BCL2L10: variants seen among roughly 807,000 people sequenced by gnomAD.
BCL2L10 encodes bcl-2-like protein 10.
In BCL2L10, 14 loss-of-function variants were observed where a neutral mutation model predicts 11.1. That is an observed-to-expected ratio of 1.26 (90% CI 0.83 to 1.96). BCL2L10 has a LOEUF of 1.96. Ranked by LOEUF, BCL2L10 falls within the 30% of genes most tolerant of loss-of-function variation. BCL2L10 has a pLI of 0.00. For missense variants in BCL2L10, 309 were observed against 273.9 expected, an observed-to-expected ratio of 1.13 and a Z score of -0.90; for synonymous variants, 154 against 133.4, an observed-to-expected ratio of 1.15 and a Z score of -1.07.
At position 52,109,744 on chromosome 15, in the gene BCL2L10, G is replaced by C; in HGVS notation, c.*104C>G. On this transcript the variant is annotated 3_prime_UTR_variant, in exon 2 of 2. Transcript: ENST00000260442. Reference sequence around the variant, plus strand: ...TCCTTGTATGCATTCAGATAAAAACGTCTGGGGTGGGGGAAGGTGCTTTCC... The same window carrying C: ...TCCTTGTATGCATTCAGATAAAAACCTCTGGGGTGGGGGAAGGTGCTTTCC... 1 of 1,481,438 alleles carries C rather than the reference G, an allele frequency of 6.8e-7. No homozygotes were observed. Among genetic ancestry groups the C allele is most frequent in the Non-Finnish European group, 9.2e-7 (1 of 1,088,280 alleles). The allele number at this position is 1,481,438 out of a possible 1,614,324, so 91.8% of individuals were successfully genotyped here.
At chr15:52,111,244 C>T (rs1416270742) in intron 1 of BCL2L10, among the ~76,000 whole-genome samples, 1 of 145,556 alleles carries the variant, frequency 6.9e-6, no homozygotes, top group Non-Finnish European at 1.5e-5. Flanking sequence ...TGGGGCGCGC[C>T]TGTAGTCCCA....
chr15:52,112,733 G>A lies in BCL2L10; in HGVS notation c.-7C>T, dbSNP rs1245798641. The stretch of plus-strand genomic sequence containing the variant: ...CCCGCAACTGGTCAACCATGGTCCG[G>A]CCTCTGCTGGGGGGCCGGGCCTTCG... On this transcript the variant is annotated 5_prime_UTR_variant, in exon 1 of 2. Transcript: ENST00000260442. The A allele has an allele frequency of 4.6e-6, 7 of 1,525,826 alleles. No homozygotes were observed. In the Middle Eastern group the frequency reaches 6.1e-4, roughly 133 times the overall value. The allele number at this position is 1,525,826 out of a possible 1,614,324, so 94.5% of individuals were successfully genotyped here.
At chr15:52,111,216 A>ACACACACACACG (rs1360594535) in intron 1 of BCL2L10, among the ~76,000 whole-genome samples, 4 of 148,392 alleles carry the variant, frequency 2.7e-5, no homozygotes, top group African/African-American at 1.0e-4. Flanking sequence ...ACACACACAC[A>ACACACACACACG]CAGTTAGCCA....
chr15:52,112,718 G>T lies in BCL2L10; in HGVS notation c.9C>A (p.Asp3Glu), dbSNP rs772295440. The change falls in exon 1 of 2, where the codon GAC (aspartate) becomes GAA (glutamate). Residue 3 changes from aspartate (D) to glutamate (E), a missense_variant. By Grantham distance (45) the Asp-to-Glu change is conservative. Transcript: ENST00000260442. ...CCATGGTGGTGCGCTCCCGCAACTG[G>T]TCAACCATGGTCCGGCCTCTGCTGG... Reference protein sequence around the residue: MVDQLRERTTMAD... With the variant: MVEQLRERTTMAD... 64 of 1,532,808 alleles carry T rather than the reference G, an allele frequency of 4.2e-5. No homozygotes were observed. Among genetic ancestry groups the T allele is most frequent in the Non-Finnish European group, 4.8e-5 (55 of 1,145,824 alleles). The allele number at this position is 1,532,808 out of a possible 1,614,324, so 95.0% of individuals were successfully genotyped here.
At position 52,109,798 on chromosome 15, in the gene BCL2L10, T is replaced by C; in HGVS notation, c.*50A>G. ...AGTTCTTGTTCTCACACATCTGTCA[T>C]TTAGTTGGTCACAGTTGGGCAGGTA... is the stretch of plus-strand genomic sequence containing the variant. On this transcript the variant is annotated 3_prime_UTR_variant, in exon 2 of 2. Transcript: ENST00000260442. The C allele has an allele frequency of 2.5e-6, 4 of 1,603,328 alleles. No individual in the cohort carries two copies. The highest frequency in any genetic ancestry group is 3.4e-6 in the Non-Finnish European group (4 of 1,173,518).
Position 52,111,772 on chromosome 15 carries a change from G to A in BCL2L10, c.489+466C>T, listed in dbSNP as rs544804028. ...ACTCCACAACCTCTCTGGCCAGGCT[G>A]AGAGGCGTAGGGGGTTGTGATCAAT... On this transcript the variant is annotated intron_variant, in intron 1 of 1. Coordinates refer to ENST00000260442, the MANE Select transcript of BCL2L10 (RefSeq NM_020396.4). Among the ~76,000 whole-genome samples, 7 of 152,346 alleles carry A rather than the reference G, an allele frequency of 4.6e-5. No individual in the cohort carries two copies. In the East Asian group the frequency reaches 1.4e-3, roughly 29 times the overall value.
chr15:52,110,813 C>T (rs992531742), intron 1 of BCL2L10, among the ~76,000 whole-genome samples: 39 of 152,320 alleles, frequency 2.6e-4, no homozygotes, highest in South Asian at 4.1e-4. Context: ...AAGGCTTCAA[C>T]GGCCCCTTTC....
chr15:52,111,675 C>T (rs1566927014), intron 1 of BCL2L10, among the ~76,000 whole-genome samples: 1 of 152,018 alleles, frequency 6.6e-6, no homozygotes, highest in Non-Finnish European at 1.5e-5. Flanking sequence ...AGAACGTTCT[C>T]ACCGAGGACT....
Position 52,109,694 on chromosome 15 carries a change from A to C in BCL2L10, c.*154T>G. 1 of 1,035,348 alleles carries C rather than the reference A, an allele frequency of 9.7e-7. No individual in the cohort carries two copies. Among genetic ancestry groups the C allele is most frequent in the South Asian group, 1.8e-5 (1 of 55,400 alleles). The allele number at this position is 1,035,348 out of a possible 1,614,324, so 64.1% of individuals were successfully genotyped here. A position where few individuals can be genotyped will look rare whatever the true frequency, so the allele number is the denominator to read the frequency against. On this transcript the variant is annotated 3_prime_UTR_variant, in exon 2 of 2. Transcript: ENST00000260442. ...CTGAGTACTTGTCACAAGTTAAAAC[A>C]CTGGCCAAATCACCACCTCAGGACT... is the stretch of plus-strand genomic sequence containing the variant.
At position 52,109,978 on chromosome 15, in the gene BCL2L10, A is replaced by AG. The variant is rs746412551; in HGVS notation, c.490-6dup. 5 of 1,594,382 alleles carry AG rather than the reference A, an allele frequency of 3.1e-6. No individual in the cohort carries two copies. Among genetic ancestry groups the AG allele is most frequent in the Admixed American group, 1.8e-5 (1 of 55,792 alleles). On this transcript the variant is annotated splice_region_variant and splice_polypyrimidine_tract_variant and intron_variant, in intron 1 of 1. Coordinates refer to ENST00000260442, the MANE Select transcript of BCL2L10 (RefSeq NM_020396.4). ...GAAGAAGTGACAAAAGCCATCCTAC[A>AG]GGGGGGAGAGAGAAAAGTTAGATTG...
At chr15:52,112,110 G>A (rs2141169899) in intron 1 of BCL2L10, 128 bp downstream of exon 1, 3 of 1,384,208 alleles carry the variant, frequency 2.2e-6, no homozygotes, top group Non-Finnish European at 1.9e-6. Context: ...CCGCTGAAAC[G>A]AGCCTTTCTG....
At chr15:52,110,242 GCTT>G (rs1316554987) in intron 1 of BCL2L10, among the ~76,000 whole-genome samples, 2 of 152,164 alleles carry the variant, frequency 1.3e-5, no homozygotes, top group Non-Finnish European at 2.9e-5. Flanking sequence ...GAGGAAGGTA[GCTT>G]ATTATGCTCT....
chr15:52,110,064 TAA>T, intron 1 of BCL2L10, 91 bp from the exon 2 acceptor site: 1 of 1,301,632 alleles, frequency 7.7e-7, no homozygotes, highest in Non-Finnish European at 1.1e-6. Context: ...AACAGCAAAG[TAA>T]AGTTTGGATT....
At chr15:52,110,026 C>T (rs2033030484) in intron 1 of BCL2L10, 53 bp from the exon 2 acceptor site, 5 of 1,506,654 alleles carry the variant, frequency 3.3e-6, no homozygotes, top group Non-Finnish European at 4.5e-6. Flanking sequence ...GAGAACCTCA[C>T]TCAAAACACG....
chr15:52,112,365 C>T lies in BCL2L10; in HGVS notation c.362G>A (p.Trp121Ter), dbSNP rs376389256. 89 of 1,604,102 alleles carry T rather than the reference C, an allele frequency of 5.5e-5. No homozygotes were observed. Among genetic ancestry groups the T allele is most frequent in the Admixed American group, 2.8e-4 (17 of 59,842 alleles). Residue 121 changes from tryptophan (W) to a stop codon, truncating the protein, a stop_gained, in exon 1 of 2, where the codon TGG becomes TAG. Transcript: ENST00000260442. LOFTEE classifies it high-confidence loss of function. ...CTCCTTTAGCCGCGGCTGGAAGCCC[C>T]ACTTCTTCCACCGGGCGGTCACCAG... Reference protein sequence around the residue: ...GPLVTARWKKWGFQPRLKEQE... With the variant: ...GPLVTARWKK
intron 1 of BCL2L10, among the ~76,000 whole-genome samples, chr15:52,110,486 T>G (rs1310783727): frequency 2.6e-5 from 4 of 151,818 alleles, no homozygotes; most frequent in Non-Finnish European, 5.9e-5. Flanking sequence ...CAGGCTGGAG[T>G]GCAATGGCAA....
chr15:52,110,617 G>A (rs1042558369), intron 1 of BCL2L10, among the ~76,000 whole-genome samples: 2 of 152,130 alleles, frequency 1.3e-5, no homozygotes, highest in Non-Finnish European at 2.9e-5. Context: ...ATTTTTAGTA[G>A]AGAGGGGGTT....
chr15:52,112,738 T>TGCTGGGGGGCCGGGCCTTC lies in BCL2L10; in HGVS notation c.-31_-13dup. 6.6e-7 allele frequency: 1 copy of TGCTGGGGGGCCGGGCCTTC among 1,516,894 alleles called. No homozygotes were observed. The highest frequency in any genetic ancestry group is 1.4e-5 in the African/African-American group (1 of 69,854). The allele number at this position is 1,516,894 out of a possible 1,614,324, so 94.0% of individuals were successfully genotyped here. A position where few individuals can be genotyped will look rare whatever the true frequency, so the allele number is the denominator to read the frequency against. ...AACTGGTCAACCATGGTCCGGCCTC[T>TGCTGGGGGGCCGGGCCTTC]GCTGGGGGGCCGGGCCTTCGCTGGT... is the stretch of plus-strand genomic sequence containing the variant. On this transcript the variant is annotated 5_prime_UTR_variant, in exon 1 of 2. Transcript: ENST00000260442.
rs1403832031 is a variant in BCL2L10 at position 52,112,407 on chromosome 15, A to G, written c.320T>C (p.Leu107Pro). The change falls in exon 1 of 2, where the codon CTG becomes CCG. Residue 107 changes from leucine (L) to proline (P), a missense_variant. Transcript: ENST00000260442. ...VVTLVTFAGT[L>P]LERGPLVTAR... ...GGTCACCAGCGGCCCTCTCTCCAGC[A>G]GCGTCCCTGCGAAGGTCACGAGCGT... 1 of 1,607,490 alleles carries G rather than the reference A, an allele frequency of 6.2e-7. No individual in the cohort carries two copies. Among genetic ancestry groups the G allele is most frequent in the South Asian group, 1.1e-5 (1 of 90,922 alleles).
Sources: gnomAD v4.1 joint callset for allele counts (sites outside exome capture counted in the v4.1 genomes callset) on GRCh38, gnomAD v4.1.1 for gene constraint, MANE v1.5 for transcripts, NCBI Gene and HGNC (gene_info 2026-07-23, HGNC 2026-07-21) for gene names.